Variants in SOX5 observed in about 807,000 individuals in gnomAD.
SOX5 encodes the protein SRY-box transcription factor 5.
A neutral mutation model predicts 92.0 loss-of-function variants in SOX5; 9 were observed. That is an observed-to-expected ratio of 0.10 (90% confidence interval 0.06 to 0.17). The LOEUF (loss-of-function observed/expected upper bound fraction) is 0.17. Among genes scored for constraint, SOX5 ranks in the 10% least tolerant of loss-of-function variants. The probability of loss-of-function intolerance (pLI) is 1.00; values close to 1 mark genes in which losing one functional copy is unlikely to be tolerated. For synonymous variants in SOX5, 344 were observed against 336.3 expected (o/e 1.02, Z -0.25); for missense variants, 642 against 944.5 (o/e 0.68, Z 4.20).
At chr12:23,859,980 G>C (rs2096736586) in intron 2 of SOX5, among the ~76,000 whole-genome samples, 1 of 152,152 alleles carries the variant, frequency 6.6e-6, no homozygotes, top group Non-Finnish European at 1.5e-5. Context: ...AAAGAATGAG[G>C]TCATGTCTTT....
At chr12:24,459,938 A>G (rs1388279244) in intron 1 of SOX5, among the ~76,000 whole-genome samples, 2 of 152,220 alleles carry the variant, frequency 1.3e-5, no homozygotes, top group East Asian at 3.8e-4. Flanking sequence ...AAGCAGAGAA[A>G]AATTGAGTAT....
intron 1 of SOX5, among the ~76,000 whole-genome samples, chr12:24,431,341 T>C (rs938856451): frequency 6.6e-6 from 1 of 152,164 alleles, no homozygotes; most frequent in Non-Finnish European, 1.5e-5. Context: ...TAGTAAATAG[T>C]CCACTGATGC....
chr12:24,512,378 T>A (rs935210750), intron 1 of SOX5, among the ~76,000 whole-genome samples: 2 of 152,234 alleles, frequency 1.3e-5, no homozygotes, highest in Non-Finnish European at 2.9e-5. Flanking sequence ...GAATCCTATC[T>A]CCATCCCTTC....
chr12:23,551,181 C>G (rs913692635), intron 11 of SOX5, among the ~76,000 whole-genome samples: 2 of 151,922 alleles, frequency 1.3e-5, no homozygotes, highest in Admixed American at 6.6e-5. Context: ...GGCTGCACTT[C>G]TTTATGGTCT....
intron 5 of SOX5, among the ~76,000 whole-genome samples, chr12:23,736,026 G>C (rs1331726793): frequency 6.6e-6 from 1 of 152,104 alleles, no homozygotes; most frequent in East Asian, 1.9e-4. Flanking sequence ...TGCATGAATA[G>C]ATGAGATGAA....
At chr12:23,852,836 G>A (rs925902024) in intron 2 of SOX5, among the ~76,000 whole-genome samples, 3 of 152,004 alleles carry the variant, frequency 2.0e-5, no homozygotes, top group African/African-American at 7.2e-5. Context: ...TGAATCAGAT[G>A]TTCAGGAGGT....
Position 23,749,690 on chromosome 12 carries a change from C to A in SOX5, c.568+5948G>T, listed in dbSNP as rs527527549. 1.3e-4 allele frequency among the ~76,000 whole-genome samples: 19 copies of A among 151,968 alleles called. No homozygotes were observed. The South Asian group carries it at 3.5e-3, about 28-fold the overall frequency. ...TAAAACATATTATTAAAAAATGTTACCTTTTAATGGAGACTGTAATTTTAG... is the reference window on the plus strand; with the variant it reads ...TAAAACATATTATTAAAAAATGTTAACTTTTAATGGAGACTGTAATTTTAG... On this transcript the variant is annotated intron_variant, in intron 4 of 14. Transcript: ENST00000451604.
chr12:23,958,072 A>G (rs904682620), intron 4 of SOX5, among the ~76,000 whole-genome samples: 1 of 152,036 alleles, frequency 6.6e-6, no homozygotes, highest in Admixed American at 6.5e-5. Flanking sequence ...AGACTAGAAA[A>G]CTATAAGCAT....
chr12:24,416,382 A>C (rs1049780446), intron 1 of SOX5, among the ~76,000 whole-genome samples: 13 of 152,148 alleles, frequency 8.5e-5, no homozygotes, highest in Admixed American at 1.3e-4. Context: ...ATGGAGGGAG[A>C]TTTCACTGAC....
At chr12:23,554,845 A>G (rs540562057) in intron 11 of SOX5, among the ~76,000 whole-genome samples, 67 of 152,334 alleles carry the variant, frequency 4.4e-4, no homozygotes, top group Non-Finnish European at 8.4e-4. Context: ...TAAAGAATCT[A>G]TCTACTAAAT....
chr12:24,061,052 G>C (rs925683609), intron 4 of SOX5, among the ~76,000 whole-genome samples: 2 of 152,018 alleles, frequency 1.3e-5, no homozygotes, highest in African/African-American at 4.8e-5. Flanking sequence ...ACAATGTGTG[G>C]GAAGAGCTCA....
At chr12:23,641,955 T>C (rs1315071869) in intron 7 of SOX5, among the ~76,000 whole-genome samples, 1 of 152,240 alleles carries the variant, frequency 6.6e-6, no homozygotes, top group East Asian at 1.9e-4. Flanking sequence ...AGCATTCCTC[T>C]TGGCCCTAGA....
intron 6 of SOX5, among the ~76,000 whole-genome samples, chr12:23,691,079 T>C (rs990562646): frequency 1.4e-4 from 21 of 152,144 alleles, no homozygotes; most frequent in African/African-American, 5.1e-4. Flanking sequence ...GTTTTAAGCA[T>C]GGTAGAGGCT....
intron 3 of SOX5, among the ~76,000 whole-genome samples, chr12:24,267,430 C>A (rs964246920): frequency 1.3e-5 from 2 of 152,108 alleles, no homozygotes; most frequent in Non-Finnish European, 2.9e-5. Context: ...ATAAAAAACA[C>A]AATTCATAAT....
chr12:24,408,081 G>A (rs1358235744), intron 1 of SOX5, among the ~76,000 whole-genome samples: 2 of 152,140 alleles, frequency 1.3e-5, no homozygotes, highest in Non-Finnish European at 1.5e-5. Context: ...TGTTCCAGAC[G>A]AGGAAATGGC....
In SOX5 at chr12:23,545,347, A is replaced by G. The variant is rs75447925; in HGVS notation, c.1597+969T>C. Among the ~76,000 whole-genome samples, 712 of 152,316 alleles carry G rather than the reference A, an allele frequency of 4.7e-3. 3 individuals carry two copies. Among genetic ancestry groups the G allele is most frequent in the African/African-American group, 0.016 (663 of 41,562 alleles). ...TTAAAATGCATGGATGCCACCTGAC[A>G]GTAGAGAGATGTTCCCGGTCAGGGT... On this transcript the variant is annotated intron_variant, in intron 12 of 14. Transcript: ENST00000451604.
chr12:23,643,086 C>CAAAAAAAA (rs71444197), intron 7 of SOX5, among the ~76,000 whole-genome samples: 1 of 62,614 alleles, frequency 1.6e-5, no homozygotes, highest in African/African-American at 5.8e-5. Context: ...GACTCCGTCT[C>CAAAAAAAA]AAAAAAAAAA....
intron 6 of SOX5, among the ~76,000 whole-genome samples, chr12:23,698,251 T>C (rs2090155637): frequency 6.6e-6 from 1 of 152,130 alleles, no homozygotes; most frequent in African/African-American, 2.4e-5. Context: ...TTAGGGTTCT[T>C]TGAGGTTCTT....
chr12:24,498,601 T>C (rs75134045), intron 1 of SOX5, among the ~76,000 whole-genome samples: 1 of 152,338 alleles, frequency 6.6e-6, no homozygotes, highest in East Asian at 1.9e-4. Flanking sequence ...AAATATATAC[T>C]GACTGCCTCC....
Sources: allele counts gnomAD v4.1 joint callset (sites outside exome capture counted in the v4.1 genomes callset), GRCh38; gene constraint gnomAD v4.1.1; transcripts MANE v1.5; gene names NCBI Gene and HGNC (gene_info 2026-07-23, HGNC 2026-07-21).